The following RGL1 variants were observed in gnomAD, a reference collection of about 807,000 sequenced individuals.
RGL1 encodes the protein ral guanine nucleotide dissociation stimulator-like 1.
A neutral mutation model predicts 95.2 loss-of-function variants in RGL1; 24 were observed. That is an observed-to-expected ratio of 0.25 (90% CI 0.18 to 0.35). RGL1 has a LOEUF of 0.35. RGL1 is among the 10% of genes least tolerant of loss of function. The pLI is 1.00. For missense variants in RGL1, 715 were observed against 936.3 expected (o/e 0.76, Z 3.08); for synonymous variants, 329 against 344.9 (o/e 0.95, Z 0.51).
At chr1:183,809,405 T>C (rs1438322955) in intron 2 of RGL1, among the ~76,000 whole-genome samples, 2 of 152,234 alleles carry the variant, frequency 1.3e-5, no homozygotes, top group African/African-American at 4.8e-5. Context: ...ACTCTGTGTT[T>C]GGAAAACTAC....
At chr1:183,651,625 A>G (rs2102000314) in intron 1 of RGL1, among the ~76,000 whole-genome samples, 1 of 152,342 alleles carries the variant, frequency 6.6e-6, no homozygotes, top group South Asian at 2.1e-4. Context: ...CTGGCACCAC[A>G]TACCCACCAG....
intron 2 of RGL1, among the ~76,000 whole-genome samples, chr1:183,749,352 C>T (rs143498443): frequency 1.6e-3 from 237 of 152,250 alleles, no homozygotes; most frequent in Non-Finnish European, 2.3e-3. Flanking sequence ...CTTGTTGCAT[C>T]GATCCCTTTA....
At chr1:183,893,153 G>A (rs1667514159) in intron 9 of RGL1, among the ~76,000 whole-genome samples, 1 of 152,184 alleles carries the variant, frequency 6.6e-6, no homozygotes, top group African/African-American at 2.4e-5. Flanking sequence ...CACCCACTAG[G>A]TATTGGGGAT....
At chr1:183,651,159 T>G (rs1440962292) in intron 1 of RGL1, among the ~76,000 whole-genome samples, 1 of 152,194 alleles carries the variant, frequency 6.6e-6, no homozygotes, top group African/African-American at 2.4e-5. Flanking sequence ...TTTTTTCTTA[T>G]TGTATTTAGA....
chr1:183,881,293 G>A (rs924461415), intron 5 of RGL1, among the ~76,000 whole-genome samples: 1 of 152,174 alleles, frequency 6.6e-6, no homozygotes, highest in Admixed American at 6.5e-5. Flanking sequence ...TGGAAAAGGT[G>A]TTTGTCCTTC....
intron 3 of RGL1, among the ~76,000 whole-genome samples, chr1:183,861,118 T>C (rs1665489015): frequency 6.6e-6 from 1 of 152,204 alleles, no homozygotes; most frequent in Non-Finnish European, 1.5e-5. Flanking sequence ...TATAGAATTA[T>C]AGGAGAACTA....
intron 9 of RGL1, among the ~76,000 whole-genome samples, chr1:183,896,724 A>T (rs976748205): frequency 3.9e-5 from 6 of 152,226 alleles, no homozygotes; most frequent in African/African-American, 1.4e-4. Context: ...GAACTTAACA[A>T]GACCCCAAAA....
intron 2 of RGL1, among the ~76,000 whole-genome samples, chr1:183,798,708 A>C (rs957790476): frequency 7.3e-5 from 11 of 151,222 alleles, no homozygotes; most frequent in Non-Finnish European, 7.4e-5. Context: ...TCACCACCAC[A>C]TTTCTCCCAC....
At chr1:183,697,965 A>G (rs4638079) in intron 1 of RGL1, among the ~76,000 whole-genome samples, 99,591 of 152,110 alleles carry the variant, frequency 0.65, 32,838 homozygotes, top group East Asian at 0.79. Flanking sequence ...CATGATGAGA[A>G]GCAGCTTGGA....
chr1:183,770,876 C>A (rs371616091), intron 2 of RGL1, among the ~76,000 whole-genome samples: 1 of 152,088 alleles, frequency 6.6e-6, no homozygotes, highest in African/African-American at 2.4e-5. Context: ...TCAAAAGAAA[C>A]CATAAAGATC....
chr1:183,910,422 TGTCTTTG>T (rs920404415), intron 14 of RGL1, among the ~76,000 whole-genome samples: 3 of 152,242 alleles, frequency 2.0e-5, no homozygotes, highest in Non-Finnish European at 4.4e-5. Flanking sequence ...GAATTTCTTT[TGTCTTTG>T]ATATACCAGT....
chr1:183,669,307 G>C (rs1241717967), intron 1 of RGL1, among the ~76,000 whole-genome samples: 5 of 152,004 alleles, frequency 3.3e-5, no homozygotes, highest in Non-Finnish European at 7.4e-5. Flanking sequence ...GGCATTCTTT[G>C]TTTCTCTTAC....
intron 4 of RGL1, among the ~76,000 whole-genome samples, chr1:183,869,072 C>G (rs550164469): frequency 6.6e-6 from 1 of 152,250 alleles, no homozygotes; most frequent in South Asian, 2.1e-4. Flanking sequence ...GAGCCATGAT[C>G]GTGCCACTGC....
chr1:183,750,700 C>T (rs1361426002), intron 2 of RGL1, among the ~76,000 whole-genome samples: 2 of 152,226 alleles, frequency 1.3e-5, no homozygotes, highest in Non-Finnish European at 2.9e-5. Context: ...TTGGATTTAT[C>T]TACCTTTGAT....
chr1:183,888,468 A>T lies in RGL1; in HGVS notation c.952-6A>T, dbSNP rs374291765. On this transcript the variant is annotated splice_polypyrimidine_tract_variant and splice_region_variant and intron_variant, in intron 7 of 17. Coordinates refer to ENST00000360851, the MANE Select transcript of RGL1 (RefSeq NM_001297671.3). ...GCCTTTTATGTTTTAATCACTCCCCATGCAGGAATGTAGACTCCTGAAGAA... is the reference window on the plus strand; with the variant it reads ...GCCTTTTATGTTTTAATCACTCCCCTTGCAGGAATGTAGACTCCTGAAGAA... The T allele has an allele frequency of 2.6e-6, 4 of 1,544,680 alleles. No homozygotes were observed. In the African/African-American group the frequency reaches 5.4e-5, roughly 21 times the overall value.
chr1:183,720,482 C>T (rs1030228216), intron 1 of RGL1, among the ~76,000 whole-genome samples: 1 of 152,220 alleles, frequency 6.6e-6, no homozygotes, highest in Non-Finnish European at 1.5e-5. Context: ...AGAACTGACC[C>T]AGCGGTGCTG....
At chr1:183,701,208 G>T (rs532172721) in intron 1 of RGL1, among the ~76,000 whole-genome samples, 8 of 152,308 alleles carry the variant, frequency 5.3e-5, no homozygotes, top group African/African-American at 1.7e-4. Flanking sequence ...TAGATCCTAG[G>T]TTTTGGTTTT....
At chr1:183,802,561 C>T (rs1235825658), upstream of RGL1, among the ~76,000 whole-genome samples, 1 of 142,762 alleles carries the variant, frequency 7.0e-6, no homozygotes, top group Non-Finnish European at 1.5e-5. Context: ...AGTCTTTCAA[C>T]CCGTAAACAC....
chr1:183,795,679 GA>G (rs1233655974), intron 2 of RGL1, among the ~76,000 whole-genome samples: 1 of 152,242 alleles, frequency 6.6e-6, no homozygotes, highest in Non-Finnish European at 1.5e-5. Context: ...GAGCAATGAG[GA>G]GCCACTGGAG....
Sources: allele counts gnomAD v4.1 joint callset (sites outside exome capture counted in the v4.1 genomes callset), GRCh38; gene constraint gnomAD v4.1.1; transcripts MANE v1.5; gene names NCBI Gene and HGNC (gene_info 2026-07-23, HGNC 2026-07-21).